The following GRID2 variants were observed in gnomAD, a reference collection of about 807,000 sequenced individuals.
The protein encoded by GRID2 is glutamate receptor ionotropic, delta-2.
Under a neutral mutation model 114.8 loss-of-function variants are expected in GRID2, and 33 were observed. The ratio of observed to expected loss-of-function variants is 0.29; its 90% CI spans 0.22 to 0.38. The LOEUF (loss-of-function observed/expected upper bound fraction) is 0.38, where lower values mean the gene tolerates loss of function less well. Ranked by LOEUF, GRID2 falls within the 10% of genes least tolerant of loss-of-function variation. The pLI is 1.00. For synonymous variants in GRID2, 505 were observed against 449.9 expected (o/e 1.12, Z -1.55); for missense variants, 1,184 against 1,257.7 (o/e 0.94, Z 0.89).
chr4:92,486,899 A>G (rs999579996), intron 1 of GRID2, among the ~76,000 whole-genome samples: 1 of 152,018 alleles, frequency 6.6e-6, no homozygotes, highest in South Asian at 2.1e-4. Flanking sequence ...ATGGATATAC[A>G]GTATAACCCA....
intron 3 of GRID2, among the ~76,000 whole-genome samples, chr4:93,110,520 A>G (rs1732663860): frequency 6.6e-6 from 1 of 152,168 alleles, no homozygotes; most frequent in South Asian, 2.1e-4. Context: ...TTCCATGTAG[A>G]TAGAAAGAAA....
chr4:93,084,182 CTT>C (rs1395424696), intron 2 of GRID2, among the ~76,000 whole-genome samples: 2 of 152,004 alleles, frequency 1.3e-5, no homozygotes, highest in African/African-American at 4.8e-5. Flanking sequence ...CCTCTTCACT[CTT>C]TTTTCTGTGT....
chr4:93,589,769 C>A (rs1384154883), intron 13 of GRID2, among the ~76,000 whole-genome samples: 6 of 151,994 alleles, frequency 3.9e-5, no homozygotes, highest in Admixed American at 6.6e-5. Flanking sequence ...ATGGTATCTC[C>A]TTGTGGTTTT....
chr4:93,035,127 G>A (rs538885786), intron 2 of GRID2, among the ~76,000 whole-genome samples: 215 of 146,636 alleles, frequency 1.5e-3, no homozygotes, highest in Non-Finnish European at 2.8e-3. Context: ...TTTTTCTGAG[G>A]CAGAGTCTTA....
At chr4:93,424,787 C>A (rs1768676973) in intron 10 of GRID2, among the ~76,000 whole-genome samples, 1 of 151,962 alleles carries the variant, frequency 6.6e-6, no homozygotes, top group East Asian at 1.9e-4. Context: ...TGATTTGAGG[C>A]TCAGAGAATA....
chr4:93,059,822 A>AG (rs1670618398), intron 2 of GRID2, among the ~76,000 whole-genome samples: 1 of 151,826 alleles, frequency 6.6e-6, no homozygotes, highest in Non-Finnish European at 1.5e-5. Context: ...AAAAAAAAAA[A>AG]GTATTCTGAG....
At chr4:92,767,953 G>A (rs933488856) in intron 2 of GRID2, among the ~76,000 whole-genome samples, 2 of 151,434 alleles carry the variant, frequency 1.3e-5, no homozygotes, top group African/African-American at 2.4e-5. Flanking sequence ...CCTGGTACAT[G>A]ATCAGCACAT....
At chr4:92,703,906 A>C (rs560135722) in intron 2 of GRID2, among the ~76,000 whole-genome samples, 1 of 152,250 alleles carries the variant, frequency 6.6e-6, no homozygotes, top group South Asian at 2.1e-4. Flanking sequence ...TGATACTCTG[A>C]CCATTCACCA....
intron 13 of GRID2, among the ~76,000 whole-genome samples, chr4:93,547,881 T>C (rs1486904690): frequency 6.6e-6 from 1 of 152,132 alleles, no homozygotes; most frequent in African/African-American, 2.4e-5. Flanking sequence ...ACTAAATTTA[T>C]TTTAAGTAAA....
intron 1 of GRID2, among the ~76,000 whole-genome samples, chr4:92,507,498 C>T (rs1345769588): frequency 6.6e-6 from 1 of 151,226 alleles, no homozygotes; most frequent in African/African-American, 2.4e-5. Flanking sequence ...CCTTTGGAAT[C>T]CTCTCCCTTT....
intron 2 of GRID2, among the ~76,000 whole-genome samples, chr4:92,856,403 T>G (rs921983493): frequency 5.3e-5 from 8 of 152,226 alleles, no homozygotes; most frequent in African/African-American, 1.9e-4. Flanking sequence ...TGCCTAAATT[T>G]AAACAGTATA....
chr4:92,340,746 ATTAC>A (rs1448703881), intron 1 of GRID2, among the ~76,000 whole-genome samples: 1 of 152,200 alleles, frequency 6.6e-6, no homozygotes, highest in Non-Finnish European at 1.5e-5. Flanking sequence ...TTGCATTGCA[ATTAC>A]TTATTCACTA....
chr4:92,837,736 A>T (rs1742558205), intron 2 of GRID2, among the ~76,000 whole-genome samples: 1 of 152,198 alleles, frequency 6.6e-6, no homozygotes, highest in Admixed American at 6.6e-5. Context: ...TACTTGGTAA[A>T]AAGTAATTGG....
At chr4:92,956,789 T>C (rs193124248) in intron 2 of GRID2, among the ~76,000 whole-genome samples, 2 of 152,348 alleles carry the variant, frequency 1.3e-5, no homozygotes, top group East Asian at 3.9e-4. Flanking sequence ...ATGAAAGTTC[T>C]TGTTGGTTCA....
intron 14 of GRID2, among the ~76,000 whole-genome samples, chr4:93,656,843 AAAAAAAAAAAAAAAC>A (rs1560868752): frequency 1.3e-5 from 2 of 148,792 alleles, no homozygotes; most frequent in African/African-American, 5.0e-5. Flanking sequence ...AAAAAAAAAA[AAAAAAAAAAAAAAAC>A]AAATAATTCC....
At chr4:93,659,467 T>TA (rs909198976) in intron 14 of GRID2, among the ~76,000 whole-genome samples, 5 of 152,136 alleles carry the variant, frequency 3.3e-5, no homozygotes, top group East Asian at 1.9e-4. Flanking sequence ...ATATTTAACT[T>TA]AAAAAAATGT....
chr4:93,463,933 G>T (rs1245061974), intron 11 of GRID2, among the ~76,000 whole-genome samples: 2 of 152,056 alleles, frequency 1.3e-5, no homozygotes, highest in Non-Finnish European at 2.9e-5. Flanking sequence ...AGCTTGCAGT[G>T]AGCCGAGATT....
intron 8 of GRID2, among the ~76,000 whole-genome samples, chr4:93,329,074 A>G (rs1025676682): frequency 6.6e-6 from 1 of 152,180 alleles, no homozygotes; most frequent in African/African-American, 2.4e-5. Flanking sequence ...ATATCCCACC[A>G]AAGGGAATAT....
intron 14 of GRID2, among the ~76,000 whole-genome samples, chr4:93,730,478 A>G (rs1265623898): frequency 1.3e-5 from 2 of 152,202 alleles, no homozygotes; most frequent in African/African-American, 4.8e-5. Flanking sequence ...GCCAAAAAAT[A>G]AAAGCGACAA....
Sources: gnomAD v4.1 joint callset for allele counts (sites outside exome capture counted in the v4.1 genomes callset) on GRCh38, gnomAD v4.1.1 for gene constraint, MANE v1.5 for transcripts, NCBI Gene and HGNC (gene_info 2026-07-23, HGNC 2026-07-21) for gene names.